Variants in SENP5 observed in about 807,000 individuals in gnomAD.
SENP5 encodes the protein sentrin-specific protease 5.
A neutral mutation model predicts 74.2 loss-of-function variants in SENP5; 21 were observed. That is an observed-to-expected ratio of 0.28 (90% CI 0.20 to 0.41). The LOEUF is 0.41. SENP5 is among the 10% of genes least tolerant of loss of function. The pLI, the probability that SENP5 is intolerant of heterozygous loss-of-function variation, is 1.00. For missense variants in SENP5, 717 were observed against 889.1 expected (o/e 0.81, Z 2.46); for synonymous variants, 311 against 312.7 (o/e 0.99, Z 0.06).
intron 1 of SENP5, 96 bp downstream of exon 1, chr3:196,868,169 C>A (rs947573292): frequency 1.3e-5 from 2 of 152,398 alleles, no homozygotes; most frequent in African/African-American, 4.8e-5. Context: ...CCTCAGCGCC[C>A]GGTCCGGAGG....
intron 6 of SENP5, among the ~76,000 whole-genome samples, chr3:196,917,674 G>T (rs1340395428): frequency 6.6e-6 from 1 of 151,940 alleles, no homozygotes; most frequent in Non-Finnish European, 1.5e-5. Flanking sequence ...AGTGCTGAAG[G>T]AAAAAAACGT....
At position 196,886,433 on chromosome 3, in the gene SENP5, G is replaced by A. The variant is rs568298553; in HGVS notation, c.1252G>A (p.Ala418Thr). The change falls in exon 2 of 10, where the codon GCA (alanine) becomes ACA (threonine). Residue 418 changes from alanine to threonine, a missense_variant. Ala to Thr is a moderately conservative substitution (Grantham distance 58, BLOSUM62 0). Around this residue, in one of 4 missense-constraint regions of SENP5, gnomAD observed 567 missense variants for 577.4 expected, o/e 0.98. Transcript: ENST00000323460. ...CAGAGTAAAACTGTCAGTGTCTGGA[G>A]CAGATACATCTGTGAGTAGCGTAGA... ...DDRVKLSVSG[A>T]DTSVSSVDGP... The A allele has an allele frequency of 3.7e-5, 59 of 1,611,116 alleles. No homozygotes were observed. The highest frequency in any genetic ancestry group is 4.7e-5 in the Non-Finnish European group (55 of 1,178,034).
chr3:196,928,210 C>A (rs1407441853), intron 8 of SENP5, among the ~76,000 whole-genome samples: 3 of 152,176 alleles, frequency 2.0e-5, no homozygotes, highest in Non-Finnish European at 4.4e-5. Flanking sequence ...CATATAGACC[C>A]AGAGAAATGC....
At position 196,886,545 on chromosome 3, in the gene SENP5, C is replaced by G. The variant is rs1334642099; in HGVS notation, c.1364C>G (p.Ser455Cys). The G allele has an allele frequency of 1.9e-6, 3 of 1,613,718 alleles. No individual in the cohort carries two copies. The highest frequency in any genetic ancestry group is 1.3e-5 in the African/African-American group (1 of 74,914). The change falls in exon 2 of 10, where the codon TCT (serine) becomes TGT (cysteine). Residue 455 changes from serine to cysteine, a missense_variant. Physicochemically the swap from Ser to Cys is moderately radical, Grantham distance 112. This residue lies in a region of SENP5 where 567 missense variants were observed against 577.4 expected (regional missense o/e 0.98). Coordinates refer to ENST00000323460, the MANE Select transcript of SENP5 (RefSeq NM_152699.5). ...TCTCTCAAGCAGAGCATTCTTAGTT[C>G]TGAGTTGCTGGACCACCCTTACTGT... ...DGSLKQSILS[S>C]ELLDHPYCKS... is the part of the protein sequence containing the mutation.
chr3:196,912,697 C>G (rs1466146884), intron 6 of SENP5: 1 of 152,114 alleles, frequency 6.6e-6, no homozygotes, highest in Non-Finnish European at 1.5e-5. Flanking sequence ...TTCAAGTTTT[C>G]ATTAAAAGAA....
intron 2 of SENP5, among the ~76,000 whole-genome samples, chr3:196,898,181 A>AAAAAAAG (rs1219837885): frequency 2.0e-5 from 3 of 151,318 alleles, no homozygotes; most frequent in African/African-American, 4.9e-5. Flanking sequence ...TTTGTCTTAA[A>AAAAAAAG]AAAAAAGAAA....
chr3:196,900,711 G>T (rs1250745908), intron 5 of SENP5, among the ~76,000 whole-genome samples: 3 of 151,314 alleles, frequency 2.0e-5, no homozygotes, highest in South Asian at 2.1e-4. Context: ...TCAGCCTCCC[G>T]ACTAGCTGGG....
chr3:196,917,941 T>A (rs758896295), intron 6 of SENP5, among the ~76,000 whole-genome samples: 2 of 152,214 alleles, frequency 1.3e-5, no homozygotes, highest in Non-Finnish European at 2.9e-5. Flanking sequence ...GTGTAAGCCA[T>A]ATTTTGAGTA....
intron 1 of SENP5, among the ~76,000 whole-genome samples, chr3:196,872,394 A>G (rs748088143): frequency 6.6e-6 from 1 of 152,216 alleles, no homozygotes; most frequent in Admixed American, 6.5e-5. Context: ...CAGATTCCCT[A>G]AAGAAGAAGG....
In SENP5 at chr3:196,886,014, C is replaced by T; in HGVS notation, c.833C>T (p.Thr278Ile). 1 of 1,614,210 alleles carries T rather than the reference C, an allele frequency of 6.2e-7. No individual in the cohort carries two copies. The highest frequency in any genetic ancestry group is 8.5e-7 in the Non-Finnish European group (1 of 1,180,036). Residue 278 changes from threonine to isoleucine, a missense_variant, in exon 2 of 10, where the codon ACC becomes ATC. Physicochemically the swap from Thr to Ile is moderately conservative, Grantham distance 89 (BLOSUM62 -1). Coordinates refer to ENST00000323460, the MANE Select transcript of SENP5 (RefSeq NM_152699.5). Reference protein sequence around the residue: ...VQKVTGDHQETRRENGEGGSC... With the variant: ...VQKVTGDHQEIRRENGEGGSC... ...AAAGTCACTGGGGACCATCAAGAGA[C>T]CCGTAGGGAGAACGGTGAGGGTGGC...
chr3:196,894,079 A>T (rs1274405531), intron 2 of SENP5, among the ~76,000 whole-genome samples: 2 of 151,736 alleles, frequency 1.3e-5, no homozygotes, highest in East Asian at 1.9e-4. Context: ...AAATGTTTAT[A>T]AAAATGTCCA....
rs1310984133 is a variant in SENP5, at chr3:196,920,258, C to CT, written c.1885-3154dup. On this transcript the variant is annotated intron_variant, in intron 6 of 9. Coordinates refer to ENST00000323460, the MANE Select transcript of SENP5 (RefSeq NM_152699.5). ...TATCTGTAATTTTTAGTGTATACAT[C>CT]TTACATATACATTCTTGTTAAATGT... is the stretch of plus-strand genomic sequence containing the variant. Among the ~76,000 whole-genome samples the CT allele has an allele frequency of 2.6e-5, 4 of 152,106 alleles. No homozygotes were observed. The South Asian group carries it at 6.2e-4, about 24-fold the overall frequency.
intron 6 of SENP5, among the ~76,000 whole-genome samples, chr3:196,915,541 T>C (rs1715332468): frequency 6.6e-6 from 1 of 152,196 alleles, no homozygotes; most frequent in Non-Finnish European, 1.5e-5. Flanking sequence ...TAAAGAGCCC[T>C]TGGACCTTGA....
chr3:196,873,755 C>G (rs1326295200), intron 1 of SENP5, among the ~76,000 whole-genome samples: 1 of 152,054 alleles, frequency 6.6e-6, no homozygotes, highest in African/African-American at 2.4e-5. Context: ...CAGGAGAATC[C>G]TTGAACCTGG....
chr3:196,868,702 C>T (rs1008252603), intron 1 of SENP5, among the ~76,000 whole-genome samples: 2 of 152,176 alleles, frequency 1.3e-5, no homozygotes, highest in Admixed American at 1.3e-4. Flanking sequence ...TCATCTCATG[C>T]TAGATAGACA....
At chr3:196,916,266 G>A (rs1283292981) in intron 6 of SENP5, among the ~76,000 whole-genome samples, 1 of 152,040 alleles carries the variant, frequency 6.6e-6, no homozygotes, top group East Asian at 1.9e-4. Flanking sequence ...GGTGGAGGTT[G>A]CAGTGAGCCG....
chr3:196,878,007 A>G (rs187032974), intron 1 of SENP5, among the ~76,000 whole-genome samples: 1 of 152,330 alleles, frequency 6.6e-6, no homozygotes, highest in African/African-American at 2.4e-5. Flanking sequence ...CCAGCCTGAA[A>G]ATTTCATTAA....
intron 2 of SENP5, among the ~76,000 whole-genome samples, chr3:196,891,799 T>C (rs1225822299): frequency 6.6e-6 from 1 of 152,162 alleles, no homozygotes; most frequent in Non-Finnish European, 1.5e-5. Flanking sequence ...CTTGTCTCTC[T>C]CTTTTTTTTG....
At chr3:196,909,085 T>A (rs1410126163) in intron 6 of SENP5, among the ~76,000 whole-genome samples, 1 of 152,084 alleles carries the variant, frequency 6.6e-6, no homozygotes, top group Non-Finnish European at 1.5e-5. Context: ...GATATCACCA[T>A]TGACCCCACA....
Sources: allele counts gnomAD v4.1 joint callset (sites outside exome capture counted in the v4.1 genomes callset), GRCh38; gene constraint gnomAD v4.1.1; regional missense constraint gnomAD v4.1.1; transcripts MANE v1.5; gene names NCBI Gene and HGNC (gene_info 2026-07-23, HGNC 2026-07-21).